The following ENPP3 variants were observed in gnomAD, a reference collection of about 807,000 sequenced individuals.
ENPP3 encodes the protein ectonucleotide pyrophosphatase/phosphodiesterase family member 3.
In ENPP3, 104 loss-of-function variants were observed where a neutral mutation model predicts 117.8. The ratio of observed to expected loss-of-function variants is 0.88; its 90% CI spans 0.75 to 1.04. The LOEUF (loss-of-function observed/expected upper bound fraction) is 1.04. Ranked by LOEUF, ENPP3 falls within the 50% of genes least tolerant of loss-of-function variation. The probability of loss-of-function intolerance (pLI) is 0.00; values close to 1 mark genes in which losing one functional copy is unlikely to be tolerated. For synonymous variants in ENPP3, 380 were observed against 349.9 expected (o/e 1.09, Z -0.96); for missense variants, 1,026 against 1,051.9 (o/e 0.98, Z 0.34).
intron 13 of ENPP3, 92 bp downstream of exon 13, chr6:131,685,587 G>T: frequency 7.8e-7 from 1 of 1,285,310 alleles, no homozygotes; most frequent in Non-Finnish European, 1.1e-6. Flanking sequence ...GGGGTTATCA[G>T]ACCCTCTACT....
chr6:131,676,520 G>A (rs187236333), intron 9 of ENPP3, among the ~76,000 whole-genome samples: 1 of 152,174 alleles, frequency 6.6e-6, no homozygotes, highest in African/African-American at 2.4e-5. Context: ...AGAGAAGGGT[G>A]GGGTGAAATA....
chr6:131,664,486 A>T (rs1166918244), intron 6 of ENPP3, among the ~76,000 whole-genome samples: 1 of 152,204 alleles, frequency 6.6e-6, no homozygotes, highest in Non-Finnish European at 1.5e-5. Flanking sequence ...AGGTTAATTG[A>T]TTATTGAAAA....
intron 2 of ENPP3, among the ~76,000 whole-genome samples, chr6:131,647,239 C>T (rs1156705735): frequency 6.6e-6 from 1 of 152,110 alleles, no homozygotes; most frequent in Non-Finnish European, 1.5e-5. Context: ...CAAATAATAA[C>T]GTAAGCATTT....
intron 18 of ENPP3, among the ~76,000 whole-genome samples, chr6:131,723,823 T>TCACACACA (rs1429717327): frequency 7.0e-6 from 1 of 143,076 alleles, no homozygotes; most frequent in African/African-American, 2.9e-5. Context: ...TCTCTCTCTC[T>TCACACACA]CTCTCACACA....
At chr6:131,646,202 T>TA (rs1178917114) in intron 2 of ENPP3, among the ~76,000 whole-genome samples, 3 of 152,160 alleles carry the variant, frequency 2.0e-5, no homozygotes, top group East Asian at 3.9e-4. Context: ...TGGGGTCTTT[T>TA]AAAAAAATTA....
At chr6:131,696,981 G>C (rs1250670175) in intron 15 of ENPP3, among the ~76,000 whole-genome samples, 1 of 152,106 alleles carries the variant, frequency 6.6e-6, no homozygotes, top group African/African-American at 2.4e-5. Context: ...ATGTTAGCCA[G>C]GATGGTCTCA....
At chr6:131,736,020 A>T (rs1258845838) in intron 21 of ENPP3, among the ~76,000 whole-genome samples, 1 of 152,246 alleles carries the variant, frequency 6.6e-6, no homozygotes, top group African/African-American at 2.4e-5. Flanking sequence ...TTGAATAAAC[A>T]TTTACAGGTT....
At chr6:131,639,043 C>T (rs773587337) in intron 1 of ENPP3, among the ~76,000 whole-genome samples, 5 of 151,776 alleles carry the variant, frequency 3.3e-5, no homozygotes, top group Non-Finnish European at 5.9e-5. Context: ...CCAATCTTGC[C>T]GCAGCTTTTC....
At position 131,674,180 on chromosome 6, in the gene ENPP3, C is replaced by T; in HGVS notation, c.661C>T (p.His221Tyr). 6.4e-7 allele frequency: 1 copy of T among 1,552,176 alleles called. No individual in the cohort carries two copies. Among genetic ancestry groups the T allele is most frequent in the Non-Finnish European group, 8.9e-7 (1 of 1,125,594 alleles). ...TIVTGLYPES[H>Y]GIIDNNMYDV... ...ATTTTAGGGCTTGTATCCAGAGTCA[C>T]ATGGCATCATTGACAATAATATGTA... is the stretch of plus-strand genomic sequence containing the variant. Residue 221 changes from histidine to tyrosine, a missense_variant, in exon 8 of 25, where the codon CAT (histidine) becomes TAT (tyrosine). Physicochemically the swap from His to Tyr is moderately conservative, Grantham distance 83 (BLOSUM62 2). Coordinates refer to ENST00000357639, the MANE Select transcript of ENPP3 (RefSeq NM_005021.5).
chr6:131,639,007 A>G (rs1001984048), intron 1 of ENPP3, among the ~76,000 whole-genome samples: 1 of 151,822 alleles, frequency 6.6e-6, no homozygotes, highest in African/African-American at 2.4e-5. Flanking sequence ...ACCTTACACC[A>G]AAACTAATTG....
intron 20 of ENPP3, among the ~76,000 whole-genome samples, chr6:131,732,376 T>C (rs1305804665): frequency 6.6e-6 from 1 of 152,164 alleles, no homozygotes; most frequent in African/African-American, 2.4e-5. Context: ...TCTTGGTAAA[T>C]AAATTATTGT....
chr6:131,678,958 T>TTTCTTTCCTTCCTTCC (rs780684077), intron 11 of ENPP3, among the ~76,000 whole-genome samples: 3 of 82,928 alleles, frequency 3.6e-5, no homozygotes, highest in South Asian at 4.6e-4. Flanking sequence ...TCTTTCTTTC[T>TTTCTTTCCTTCCTTCC]TTCCTTCCTT....
At chr6:131,737,453 T>C (rs199861717) in intron 22 of ENPP3, 21 bp downstream of exon 22, 4 of 1,375,990 alleles carry the variant, frequency 2.9e-6, no homozygotes, top group Non-Finnish European at 4.1e-6. Context: ...ATTTAGAGTA[T>C]TAATTTTAAA....
intron 24 of ENPP3, among the ~76,000 whole-genome samples, chr6:131,745,263 C>A (rs1585747169): frequency 6.7e-6 from 1 of 148,280 alleles, no homozygotes. Context: ...TAACATGGCG[C>A]ATTTTTTTTT....
chr6:131,654,274 C>T lies in ENPP3; in HGVS notation c.464+1383C>T, dbSNP rs546566676. Among the ~76,000 whole-genome samples the T allele has an allele frequency of 1.2e-4, 18 of 152,082 alleles. No individual in the cohort carries two copies. In the East Asian group the frequency reaches 3.5e-3, roughly 29 times the overall value. ...TCGGCCTCGTAAGTATTTGAGACTA[C>T]AGGCATGGGCCACCACATGCAGCTA... On this transcript the variant is annotated intron_variant, in intron 5 of 24. Coordinates refer to ENST00000357639, the MANE Select transcript of ENPP3 (RefSeq NM_005021.5).
chr6:131,661,359 T>C (rs2114345254), intron 6 of ENPP3, among the ~76,000 whole-genome samples: 1 of 152,270 alleles, frequency 6.6e-6, no homozygotes, highest in East Asian at 1.9e-4. Context: ...GAGTTCCAAT[T>C]TCTGCATATC....
rs1420560613 is a variant in ENPP3, at chr6:131,722,460, C to A, written c.1746+55C>A. On this transcript the variant is annotated intron_variant, in intron 18 of 24. Transcript: ENST00000357639. The stretch of plus-strand genomic sequence containing the variant: ...ACGTAAAGGGGCAAGCTATTCTTAA[C>A]CTGGGTAGCTGACAACTGGGGTAGC... 4 of 1,466,098 alleles carry A rather than the reference C, an allele frequency of 2.7e-6. No individual in the cohort carries two copies. In the Admixed American group the frequency reaches 7.2e-5, roughly 26 times the overall value. 90.8% of individuals were successfully genotyped at this position (1,466,098 alleles called of 1,614,324 possible). A position where few individuals can be genotyped will look rare whatever the true frequency, so the allele number is the denominator to read the frequency against.
intron 6 of ENPP3, among the ~76,000 whole-genome samples, chr6:131,660,466 G>C (rs912583521): frequency 1.3e-5 from 2 of 152,242 alleles, no homozygotes; most frequent in African/African-American, 4.8e-5. Flanking sequence ...GGTGGCAGCA[G>C]ACAAAGAAGG....
intron 2 of ENPP3, among the ~76,000 whole-genome samples, chr6:131,642,334 T>C (rs1260611656): frequency 6.6e-6 from 1 of 152,072 alleles, no homozygotes; most frequent in Non-Finnish European, 1.5e-5. Flanking sequence ...AAGTAGTGCA[T>C]AATAATATCT....
Sources: gnomAD v4.1 joint callset for allele counts (sites outside exome capture counted in the v4.1 genomes callset) on GRCh38, gnomAD v4.1.1 for gene constraint, MANE v1.5 for transcripts, NCBI Gene and HGNC (gene_info 2026-07-23, HGNC 2026-07-21) for gene names.